Variants in CANX observed in about 807,000 individuals in gnomAD.
The protein encoded by CANX is epididymis secretory sperm binding protein.
In CANX, 14 loss-of-function variants were observed where a neutral mutation model predicts 75.7. The ratio of observed to expected loss-of-function variants is 0.19; its 90% CI spans 0.12 to 0.29. The LOEUF is 0.29. Ranked by LOEUF, CANX falls within the 10% of genes least tolerant of loss-of-function variation. The pLI is 1.00. For synonymous variants in CANX, 227 were observed against 236.9 expected (o/e 0.96, Z 0.38); for missense variants, 567 against 713.2 (o/e 0.79, Z 2.34).
At chr5:179,694,738 A>T (rs994611180), upstream of CANX, 1 of 669,420 alleles carries the variant, frequency 1.5e-6, no homozygotes, top group South Asian at 1.5e-5. Flanking sequence ...GAAGATGAAG[A>T]CGAGGAGGAG....
upstream of CANX, chr5:179,698,615 T>C: frequency 3.9e-6 from 5 of 1,285,292 alleles, no homozygotes; most frequent in Non-Finnish European, 5.1e-6. Context: ...TGAGGGCTAC[T>C]GGGGGTTGGG....
chr5:179,690,762 G>A (rs72662131), intron 1 of CANX, among the ~76,000 whole-genome samples: 31,867 of 147,326 alleles, frequency 0.22, 3,810 homozygotes, highest in Non-Finnish European at 0.28. Flanking sequence ...GGTGGCATGC[G>A]CCTGTAATCC....
At chr5:179,699,346 T>G (rs971700624) in intron 1 of CANX, among the ~76,000 whole-genome samples, 1 of 152,168 alleles carries the variant, frequency 6.6e-6, no homozygotes, top group Non-Finnish European at 1.5e-5. Context: ...CCCGACAGCC[T>G]TCTTTGACCT....
At position 179,719,707 on chromosome 5, in the gene CANX, C is replaced by T. The variant is rs1459772885; in HGVS notation, c.951C>T (p.Ala317=). 6.2e-7 allele frequency: 1 copy of T among 1,613,008 alleles called. No homozygotes were observed. Among genetic ancestry groups the T allele is most frequent in the East Asian group, 2.2e-5 (1 of 44,880 alleles). The change falls in exon 9 of 15, where the codon GCC becomes GCT. Residue 317 remains alanine (A), a synonymous_variant. Coordinates refer to ENST00000247461, the MANE Select transcript of CANX (RefSeq NM_001746.4). The part of the protein sequence containing the change: ...DAPAKIPDEE[A]TKPEGWLDDE... ...CTGCTAAGATTCCAGATGAAGAGGC[C>T]ACAAAACCCGAAGGCTGGTTAGATG...
chr5:179,683,146 T>G (rs1223280527), intron 1 of CANX, among the ~76,000 whole-genome samples: 1 of 131,104 alleles, frequency 7.6e-6, no homozygotes, highest in Non-Finnish European at 1.7e-5. Flanking sequence ...TATTTATTTT[T>G]GAGACGGAGT....
At chr5:179,705,076 C>G (rs984569631) in intron 1 of CANX, among the ~76,000 whole-genome samples, 1 of 152,066 alleles carries the variant, frequency 6.6e-6, no homozygotes, top group Non-Finnish European at 1.5e-5. Context: ...ACCTCCACCT[C>G]CTGGGTTCAA....
At chr5:179,708,054 C>A (rs1394559666) in intron 4 of CANX, among the ~76,000 whole-genome samples, 185 bp from the exon 5 acceptor site, 2 of 152,122 alleles carry the variant, frequency 1.3e-5, no homozygotes, top group Non-Finnish European at 2.9e-5. Context: ...CCAGGCTGGT[C>A]TCGAACTCCT....
At chr5:179,694,326 G>C (rs1776352704), upstream of CANX, 1 of 552,418 alleles carries the variant, frequency 1.8e-6, no homozygotes, top group Non-Finnish European at 3.3e-6. Flanking sequence ...GAAGTGCTCT[G>C]AAAGGTGGAA....
At chr5:179,711,256 C>T (rs1308097148) in intron 7 of CANX, among the ~76,000 whole-genome samples, 5 of 140,432 alleles carry the variant, frequency 3.6e-5, no homozygotes, top group Non-Finnish European at 8.1e-5. Flanking sequence ...GACCCTGTCT[C>T]TACAAAATCT....
intron 1 of CANX, among the ~76,000 whole-genome samples, chr5:179,692,204 A>T (rs556084574): frequency 3.9e-5 from 6 of 151,936 alleles, no homozygotes. Flanking sequence ...CCTCCCAAGT[A>T]GCTGGGACTA....
In CANX at chr5:179,702,392, TTCCCTCCC is replaced by T. The variant is rs894382563; in HGVS notation, c.-3-3275_-3-3268del. On this transcript the variant is annotated intron_variant, in intron 1 of 14. Transcript: ENST00000247461. ...AGCTCAGCTTTCTTTCTCTCCCTTC[TTCCCTCCC>T]TCCCTCCCTCCTTTCCTTCCTTCCT... Among the ~76,000 whole-genome samples the T allele has an allele frequency of 2.0e-5, 3 of 151,802 alleles. No homozygotes were observed. In the East Asian group the frequency reaches 5.8e-4, roughly 29 times the overall value.
chr5:179,698,603 G>A, upstream of CANX: 4 of 1,288,306 alleles, frequency 3.1e-6, no homozygotes, highest in Non-Finnish European at 4.0e-6. Context: ...GAACCAGACG[G>A]GTGAGGGCTA....
intron 14 of CANX, among the ~76,000 whole-genome samples, chr5:179,727,783 A>G (rs1778759914): frequency 1.3e-5 from 2 of 152,208 alleles, no homozygotes; most frequent in Admixed American, 1.3e-4. Flanking sequence ...CAGGAGAGGA[A>G]CAGAGGGTAT....
intron 1 of CANX, among the ~76,000 whole-genome samples, chr5:179,684,955 T>TTTA (rs1410102592): frequency 7.8e-5 from 9 of 115,150 alleles, no homozygotes; most frequent in African/African-American, 2.7e-4. Context: ...TTTTTTTTTT[T>TTTA]TACTAGAGAC....
intron 14 of CANX, among the ~76,000 whole-genome samples, chr5:179,727,288 G>A (rs1347597578): frequency 6.6e-6 from 1 of 152,142 alleles, no homozygotes; most frequent in Admixed American, 6.5e-5. Context: ...AACATTTTAA[G>A]GAAGTAAACA....
At chr5:179,712,336 T>G (rs1233735989) in intron 7 of CANX, among the ~76,000 whole-genome samples, 1 of 151,658 alleles carries the variant, frequency 6.6e-6, no homozygotes, top group Admixed American at 6.6e-5. Flanking sequence ...TGATACAGGG[T>G]TTTTTTTGGT....
intron 3 of CANX, among the ~76,000 whole-genome samples, chr5:179,706,629 A>AT (rs1335801667): frequency 5.3e-5 from 8 of 151,824 alleles, no homozygotes; most frequent in Non-Finnish European, 1.0e-4. Context: ...GTGTGTTGTT[A>AT]TTTTTTTAGT....
upstream of CANX, chr5:179,698,387 A>C: frequency 8.2e-7 from 1 of 1,217,646 alleles, no homozygotes; most frequent in Non-Finnish European, 1.1e-6. Context: ...CTCTGCAGGA[A>C]CTGCGGCGCC....
At chr5:179,713,158 T>C (rs1777695572) in intron 7 of CANX, among the ~76,000 whole-genome samples, 1 of 152,026 alleles carries the variant, frequency 6.6e-6, no homozygotes, top group South Asian at 2.1e-4. Flanking sequence ...CTTGGCTCAC[T>C]GCAGCCTCCG....
Sources: gnomAD v4.1 joint callset for allele counts (sites outside exome capture counted in the v4.1 genomes callset) on GRCh38, gnomAD v4.1.1 for gene constraint, MANE v1.5 for transcripts, NCBI Gene and HGNC (gene_info 2026-07-23, HGNC 2026-07-21) for gene names.